HOXC4: variants seen among roughly 807,000 people sequenced by gnomAD.
HOXC4 encodes the protein homeobox protein Hox-C4.
Under a neutral mutation model 25.5 loss-of-function variants are expected in HOXC4, and 15 were observed. The ratio of observed to expected loss-of-function variants is 0.59; its 90% CI spans 0.39 to 0.91. The LOEUF is 0.91. Among genes scored for constraint, HOXC4 ranks in the 40% least tolerant of loss-of-function variants. The probability of loss-of-function intolerance (pLI) is 0.00; values close to 1 mark genes in which losing one functional copy is unlikely to be tolerated. For missense variants in HOXC4, 342 were observed against 352.4 expected (o/e 0.97, Z 0.24); for synonymous variants, 165 against 148.0 (o/e 1.11, Z -0.83).
At chr12:54,038,431 GC>G (rs1263455332) in intron 1 of HOXC4, among the ~76,000 whole-genome samples, 1 of 152,226 alleles carries the variant, frequency 6.6e-6, no homozygotes, top group Non-Finnish European at 1.5e-5. Flanking sequence ...GGTGAGTTCA[GC>G]CCTTGGCCAG....
At chr12:54,030,230 TG>T in intron 1 of HOXC4, 1 of 334,464 alleles carries the variant, frequency 3.0e-6, no homozygotes, top group Non-Finnish European at 5.5e-6. Context: ...GTCCAGGCCT[TG>T]GGGGCTCGGA....
At chr12:54,025,509 T>G (rs931712389) in intron 1 of HOXC4, among the ~76,000 whole-genome samples, 13 of 124,192 alleles carry the variant, frequency 1.0e-4, no homozygotes, top group Non-Finnish European at 2.2e-4. Context: ...TCTTCTTTCC[T>G]CAGGAATGAA....
intron 1 of HOXC4, among the ~76,000 whole-genome samples, chr12:54,031,282 G>T (rs1940974959): frequency 6.6e-6 from 1 of 152,228 alleles, no homozygotes; most frequent in South Asian, 2.1e-4. Flanking sequence ...CCAGGCCCGC[G>T]CCAAGCTGGC....
At chr12:54,043,918 C>CTGTGTG (rs71444829) in intron 1 of HOXC4, among the ~76,000 whole-genome samples, 1,873 of 127,302 alleles carry the variant, frequency 0.015, 21 homozygotes, top group East Asian at 0.024. Context: ...AAAACACAGG[C>CTGTGTG]TGTGTGTGTG....
chr12:54,033,430 C>A (rs373127865), intron 1 of HOXC4: 20 of 1,602,106 alleles, frequency 1.2e-5, no homozygotes, highest in Non-Finnish European at 1.4e-5. Context: ...AGTCAGAAGG[C>A]GGCTCGCCCG....
In HOXC4 at chr12:54,045,395, TG is replaced by T. The variant is rs200248481; in HGVS notation, c.-123-7763del. On this transcript the variant is annotated intron_variant, in intron 1 of 3. Transcript: ENST00000303406. ...GTTGGATGTATATGCTAGGATGTAT[TG>T]GTACAGCTCTCTTGAAACACCTAAG... Among the ~76,000 whole-genome samples, 31 of 152,378 alleles carry T rather than the reference TG, an allele frequency of 2.0e-4. No homozygotes were observed. In the East Asian group the frequency reaches 3.3e-3, roughly 16 times the overall value.
chr12:54,055,040 A>G lies in HOXC4; in HGVS notation c.630A>G (p.Lys210=), dbSNP rs1937941928. Residue 210 remains lysine (K), a synonymous_variant, in exon 2 of 2, where the codon AAA becomes AAG. Coordinates refer to ENST00000430889, the MANE Select transcript of HOXC4 (RefSeq NM_153633.3). ...TCTGGTTCCAAAACCGTCGCATGAA[A>G]TGGAAGAAGGACCACCGACTCCCCA... ...IKIWFQNRRM[K]WKKDHRLPNT... is the part of the protein sequence containing the mutation. The G allele has an allele frequency of 6.2e-7, 1 of 1,613,780 alleles. No individual in the cohort carries two copies. The highest frequency in any genetic ancestry group is 1.3e-5 in the African/African-American group (1 of 74,820).
intron 1 of HOXC4, among the ~76,000 whole-genome samples, chr12:54,031,797 G>C (rs1940998515): frequency 6.6e-6 from 1 of 152,212 alleles, no homozygotes; most frequent in Non-Finnish European, 1.5e-5. Context: ...TGGGGCTACG[G>C]GGGAAGAGGA....
chr12:54,050,031 T>C (rs1937809308), upstream of HOXC4, among the ~76,000 whole-genome samples: 1 of 152,202 alleles, frequency 6.6e-6, no homozygotes, highest in Admixed American at 6.5e-5. Context: ...GACCCTCATT[T>C]TCCTTCCCTT....
upstream of HOXC4, among the ~76,000 whole-genome samples, chr12:54,050,693 T>G (rs1308658330): frequency 6.6e-6 from 1 of 152,198 alleles, no homozygotes; most frequent in African/African-American, 2.4e-5. Context: ...TTCCTTGCTA[T>G]TAAGCTATAG....
upstream of HOXC4, among the ~76,000 whole-genome samples, chr12:54,052,941 A>G (rs999290783): frequency 1.3e-5 from 2 of 152,178 alleles, no homozygotes; most frequent in Non-Finnish European, 2.9e-5. Context: ...GCACCATCAC[A>G]GGGCACTGAC....
intron 1 of HOXC4, among the ~76,000 whole-genome samples, chr12:54,026,581 T>C (rs1297701156): frequency 1.3e-5 from 2 of 152,158 alleles, no homozygotes; most frequent in East Asian, 1.9e-4. Context: ...CCCCTTCCCT[T>C]CCAAATACCG....
rs920076980 is a variant in HOXC4, at chr12:54,039,030, C to T, written c.-123-14130C>T. On this transcript the variant is annotated intron_variant, in intron 1 of 3. Coordinates refer to the HOXC4 transcript ENST00000303406. ...ATTGCTATCCCTCCCTGTGCGTCAC[C>T]GGGAGCTAAGCCAGGAAAGTGACAA... is the stretch of plus-strand genomic sequence containing the variant. 1.1e-4 allele frequency among the ~76,000 whole-genome samples: 17 copies of T among 152,122 alleles called. No individual in the cohort carries two copies. The East Asian group carries it at 1.3e-3, about 12-fold the overall frequency.
At chr12:54,044,951 A>C (rs1333860858) in intron 1 of HOXC4, among the ~76,000 whole-genome samples, 1 of 152,198 alleles carries the variant, frequency 6.6e-6, no homozygotes, top group Non-Finnish European at 1.5e-5. Context: ...AAGCCAGATC[A>C]GGTCAGGAAG....
chr12:54,034,044 C>A (rs927750242), intron 1 of HOXC4: 2 of 699,550 alleles, frequency 2.9e-6, no homozygotes, highest in Non-Finnish European at 5.4e-6. Context: ...CCCCAACCCC[C>A]CCTCAGCCCC....
rs551996288 is a variant in HOXC4, at chr12:54,024,354, G to A, written c.-124+6940G>A. ...GCTCCAGTGCTTGGGTCCCCGAGCA[G>A]CCTCAGGAGGCACCGAGCTGTAGTT... is the stretch of plus-strand genomic sequence containing the variant. On this transcript the variant is annotated intron_variant, in intron 1 of 3. Coordinates refer to the HOXC4 transcript ENST00000303406. 2.6e-5 allele frequency among the ~76,000 whole-genome samples: 4 copies of A among 152,248 alleles called. No individual in the cohort carries two copies. In the South Asian group the frequency reaches 8.3e-4, roughly 32 times the overall value.
chr12:54,028,998 G>A (rs1232806803), intron 1 of HOXC4: 4 of 1,423,404 alleles, frequency 2.8e-6, no homozygotes, highest in Non-Finnish European at 3.8e-6. Context: ...AAGAACGGGC[G>A]GAGAGAGTTT....
intron 1 of HOXC4, chr12:54,034,136 C>G (rs538350798): frequency 1.2e-5 from 10 of 828,008 alleles, no homozygotes; most frequent in Admixed American, 1.9e-5. Flanking sequence ...TGGGCTGGCC[C>G]GCCTGCGGCC....
chr12:54,034,645 T>C (rs1309722189), intron 1 of HOXC4: 1 of 632,652 alleles, frequency 1.6e-6, no homozygotes, highest in Non-Finnish European at 2.7e-6. Context: ...TTCCTTGGCA[T>C]TCCGCATCCC....
Sources: allele counts gnomAD v4.1 joint callset (sites outside exome capture counted in the v4.1 genomes callset), GRCh38; gene constraint gnomAD v4.1.1; transcripts MANE v1.5; gene names NCBI Gene and HGNC (gene_info 2026-07-23, HGNC 2026-07-21).